ARHGAP26: variants seen among roughly 807,000 people sequenced by gnomAD.
ARHGAP26 encodes Rho GTPase activating protein 26.
Under a neutral mutation model 104.8 loss-of-function variants are expected in ARHGAP26, and 38 were observed. That is an observed-to-expected ratio of 0.36 (90% CI 0.28 to 0.48). The LOEUF is 0.48. Ranked by LOEUF, ARHGAP26 falls within the 20% of genes least tolerant of loss-of-function variation. The pLI is 0.99. For missense variants in ARHGAP26, 704 were observed against 947.9 expected, an observed-to-expected ratio of 0.74 and a Z score of 3.38; for synonymous variants, 341 against 340.0, an observed-to-expected ratio of 1.00 and a Z score of -0.03.
intron 19 of ARHGAP26, among the ~76,000 whole-genome samples, chr5:143,144,572 A>C (rs1798937978): frequency 6.6e-6 from 1 of 151,960 alleles, no homozygotes; most frequent in Non-Finnish European, 1.5e-5. Flanking sequence ...GGCCTGGCTA[A>C]TTTTTAACTT....
At chr5:143,009,601 C>G (rs1451359902) in intron 11 of ARHGAP26, among the ~76,000 whole-genome samples, 1 of 152,160 alleles carries the variant, frequency 6.6e-6, no homozygotes, top group African/African-American at 2.4e-5. Context: ...TAATTTCTAT[C>G]TGTCATAATT....
chr5:142,799,483 G>A (rs1359822218), intron 1 of ARHGAP26, among the ~76,000 whole-genome samples: 3 of 152,196 alleles, frequency 2.0e-5, no homozygotes, highest in Admixed American at 6.5e-5. Flanking sequence ...GAGGCTGAGA[G>A]TATTTGTACC....
intron 17 of ARHGAP26, among the ~76,000 whole-genome samples, chr5:143,079,752 A>G (rs756362317): frequency 1.3e-5 from 2 of 152,194 alleles, no homozygotes; most frequent in Non-Finnish European, 2.9e-5. Flanking sequence ...TAGCCTTAGC[A>G]TGGTAACATT....
intron 14 of ARHGAP26, among the ~76,000 whole-genome samples, chr5:143,053,406 G>A (rs1417771000): frequency 1.3e-5 from 2 of 152,132 alleles, no homozygotes; most frequent in Non-Finnish European, 2.9e-5. Flanking sequence ...TAGCCAGTAT[G>A]AGGGAGCTGG....
intron 20 of ARHGAP26, among the ~76,000 whole-genome samples, chr5:143,180,383 C>CA (rs1554261571): frequency 6.6e-6 from 1 of 152,188 alleles, no homozygotes; most frequent in Non-Finnish European, 1.5e-5. Flanking sequence ...CTCAGCCTCC[C>CA]AAAGTGCTGG....
At chr5:142,859,013 G>C (rs1434277465) in intron 1 of ARHGAP26, among the ~76,000 whole-genome samples, 1 of 152,194 alleles carries the variant, frequency 6.6e-6, no homozygotes, top group Non-Finnish European at 1.5e-5. Flanking sequence ...TGGAGTGAGG[G>C]CAAGGCCAGT....
At chr5:143,034,255 C>G (rs932612411) in intron 12 of ARHGAP26, among the ~76,000 whole-genome samples, 1 of 152,036 alleles carries the variant, frequency 6.6e-6, no homozygotes, top group Non-Finnish European at 1.5e-5. Context: ...GGTGTATACT[C>G]AAAAGAAATG....
Position 143,050,912 on chromosome 5 carries a change from C to T in ARHGAP26, c.1286-3527C>T, listed in dbSNP as rs145646824. On this transcript the variant is annotated intron_variant, in intron 14 of 22. Coordinates refer to ENST00000645722, the MANE Select transcript of ARHGAP26 (RefSeq NM_001135608.3). Reference sequence around the variant, plus strand: ...CTGCTCCAGCCACCATCACCTTTGCCTGTTGGGATGCTTCAGGCAGGCTCT... The same window carrying T: ...CTGCTCCAGCCACCATCACCTTTGCTTGTTGGGATGCTTCAGGCAGGCTCT... Among the ~76,000 whole-genome samples, 220 of 152,306 alleles carry T rather than the reference C, an allele frequency of 1.4e-3. 1 individual carries two copies. The highest frequency in any genetic ancestry group is 5.1e-3 in the African/African-American group (212 of 41,560).
intron 5 of ARHGAP26, among the ~76,000 whole-genome samples, chr5:142,893,014 CTCGCTCTG>C (rs1758910810): frequency 2.6e-5 from 3 of 116,656 alleles, no homozygotes; most frequent in Non-Finnish European, 3.3e-5. Flanking sequence ...GAGACAGAGT[CTCGCTCTG>C]TCACCAGGCT....
In ARHGAP26 at chr5:143,213,976, TAAAC is replaced by T. The variant is rs752377457; in HGVS notation, c.2100-20_2100-17del. 1.6e-5 allele frequency: 25 copies of T among 1,518,430 alleles called. No individual in the cohort carries two copies. Among genetic ancestry groups the T allele is most frequent in the Non-Finnish European group, 9.1e-7 (1 of 1,104,462 alleles). 94.1% of individuals were successfully genotyped at this position (1,518,430 alleles called of 1,614,324 possible). On this transcript the variant is annotated splice_polypyrimidine_tract_variant and intron_variant, in intron 21 of 22. Coordinates refer to ENST00000645722, the MANE Select transcript of ARHGAP26 (RefSeq NM_001135608.3). ...TAAGGGTTTTTTCAAAAATGTTAAA[TAAAC>T]TCCTGTTTTCACACAGCACACCGTT... is the stretch of plus-strand genomic sequence containing the variant.
chr5:142,898,215 C>A (rs1293613916), intron 6 of ARHGAP26, among the ~76,000 whole-genome samples: 1 of 151,684 alleles, frequency 6.6e-6, no homozygotes, highest in African/African-American at 2.4e-5. Context: ...CATACATATA[C>A]ATATATACGT....
chr5:142,822,609 A>G (rs1470557344), intron 1 of ARHGAP26, among the ~76,000 whole-genome samples: 1 of 152,130 alleles, frequency 6.6e-6, no homozygotes, highest in Non-Finnish European at 1.5e-5. Context: ...ATATATATGT[A>G]TATGTATAAT....
intron 11 of ARHGAP26, among the ~76,000 whole-genome samples, chr5:142,940,945 G>T (rs1038137034): frequency 5.3e-5 from 8 of 151,478 alleles, no homozygotes; most frequent in African/African-American, 1.9e-4. Flanking sequence ...CATGGTGGCG[G>T]GTGCCTGTAG....
intron 20 of ARHGAP26, among the ~76,000 whole-genome samples, chr5:143,181,482 T>G (rs1490889825): frequency 6.6e-6 from 1 of 152,182 alleles, no homozygotes; most frequent in Non-Finnish European, 1.5e-5. Context: ...ATGGGAGAAC[T>G]CTCGCGTGTT....
chr5:143,101,355 C>T (rs549862870), intron 17 of ARHGAP26, among the ~76,000 whole-genome samples: 46 of 152,310 alleles, frequency 3.0e-4, no homozygotes, highest in African/African-American at 9.6e-4. Context: ...CAACAGGTCT[C>T]TTGATGTAGG....
intron 12 of ARHGAP26, among the ~76,000 whole-genome samples, chr5:143,025,589 A>T (rs1028182264): frequency 6.6e-6 from 1 of 152,214 alleles, no homozygotes; most frequent in African/African-American, 2.4e-5. Context: ...CATGTAGGAG[A>T]CAAATGGTCC....
At position 143,044,890 on chromosome 5, in the gene ARHGAP26, C is replaced by T. The variant is rs746751622; in HGVS notation, c.1285+3000C>T. Among the ~76,000 whole-genome samples the T allele has an allele frequency of 2.2e-4, 33 of 152,214 alleles. 1 individual carries two copies. Among genetic ancestry groups the T allele is most frequent in the Non-Finnish European group, 3.8e-4 (26 of 68,020 alleles). ...GTGCTCTGAAGTCAGGAAAAAAGGA[C>T]ACACTCATAGTGAGTATACAGAGAG... On this transcript the variant is annotated intron_variant, in intron 14 of 22. Coordinates refer to ENST00000645722, the MANE Select transcript of ARHGAP26 (RefSeq NM_001135608.3).
chr5:143,173,798 G>T (rs1262077888), intron 20 of ARHGAP26, among the ~76,000 whole-genome samples: 1 of 152,162 alleles, frequency 6.6e-6, no homozygotes, highest in Non-Finnish European at 1.5e-5. Context: ...GTGGAAGGGA[G>T]AGGTGACCTT....
chr5:142,907,528 G>A, intron 8 of ARHGAP26, 176 bp from the exon 9 acceptor site: 1 of 359,978 alleles, frequency 2.8e-6, no homozygotes, highest in South Asian at 1.1e-4. Context: ...ATTTGAGCCT[G>A]TGGGATCAGA....
Sources: gnomAD v4.1 joint callset for allele counts (sites outside exome capture counted in the v4.1 genomes callset) on GRCh38, gnomAD v4.1.1 for gene constraint, MANE v1.5 for transcripts, NCBI Gene and HGNC (gene_info 2026-07-23, HGNC 2026-07-21) for gene names.